Variants in CACNA2D1 observed in about 807,000 individuals in gnomAD.
The protein encoded by CACNA2D1 is voltage-dependent calcium channel subunit alpha-2/delta-1.
Under a neutral mutation model 171.5 loss-of-function variants are expected in CACNA2D1, and 53 were observed. The observed-to-expected ratio is 0.31, with a 90% CI of 0.25 to 0.39. The LOEUF is 0.39. Ranked by LOEUF, CACNA2D1 falls within the 10% of genes least tolerant of loss-of-function variation. The probability of loss-of-function intolerance (pLI) is 1.00; values close to 1 mark genes in which losing one functional copy is unlikely to be tolerated. For missense variants in CACNA2D1, 903 were observed against 1,299.8 expected (o/e 0.69, Z 4.69); for synonymous variants, 442 against 443.1 (o/e 1.00, Z 0.03).
chr7:82,375,569 ATTATCTACAC>A (rs1563452161), intron 1 of CACNA2D1, among the ~76,000 whole-genome samples: 1 of 151,960 alleles, frequency 6.6e-6, no homozygotes, highest in African/African-American at 2.4e-5. Context: ...TGGAGTACGT[ATTATCTACAC>A]CACTCATTGG....
At position 82,102,229 on chromosome 7, in the gene CACNA2D1, G is replaced by GA. The variant is rs1431469287; in HGVS notation, c.526+14814dup. ...CTGATTGAGAAAGGTTTTAAGACTT[G>GA]AAAAAAATAAGCTTTAAAATTTATT... On this transcript the variant is annotated intron_variant, in intron 6 of 38. Coordinates refer to ENST00000356860, the MANE Select transcript of CACNA2D1 (RefSeq NM_000722.4). Among the ~76,000 whole-genome samples, 7 of 151,800 alleles carry GA rather than the reference G, an allele frequency of 4.6e-5. No homozygotes were observed. The South Asian group carries it at 6.2e-4, about 14-fold the overall frequency.
chr7:82,031,275 T>G (rs1802666936), intron 12 of CACNA2D1, among the ~76,000 whole-genome samples: 1 of 151,918 alleles, frequency 6.6e-6, no homozygotes, highest in Non-Finnish European at 1.5e-5. Context: ...CAGGGACATC[T>G]TCCAGGTGGT....
intron 1 of CACNA2D1, among the ~76,000 whole-genome samples, chr7:82,404,233 A>G (rs1282164222): frequency 1.3e-5 from 2 of 152,060 alleles, no homozygotes; most frequent in African/African-American, 4.8e-5. Flanking sequence ...ATAAAGCCCT[A>G]TCACCTGCAG....
At chr7:82,047,799 T>C (rs1804723648) in intron 10 of CACNA2D1, among the ~76,000 whole-genome samples, 1 of 151,942 alleles carries the variant, frequency 6.6e-6, no homozygotes, top group African/African-American at 2.4e-5. Flanking sequence ...AAATATCAGG[T>C]GAAGAGAAAT....
At chr7:82,147,837 C>T (rs1388738134) in intron 4 of CACNA2D1, among the ~76,000 whole-genome samples, 2 of 152,116 alleles carry the variant, frequency 1.3e-5, no homozygotes, top group African/African-American at 4.8e-5. Context: ...GGTTGGTAAT[C>T]ACTACATCAA....
At chr7:82,376,430 G>A (rs1012075867) in intron 1 of CACNA2D1, among the ~76,000 whole-genome samples, 1 of 152,052 alleles carries the variant, frequency 6.6e-6, no homozygotes, top group African/African-American at 2.4e-5. Flanking sequence ...CTCTTTAAAG[G>A]GAAACAACCA....
chr7:81,980,761 A>G (rs750302971), intron 24 of CACNA2D1, among the ~76,000 whole-genome samples: 10 of 152,138 alleles, frequency 6.6e-5, no homozygotes, highest in Non-Finnish European at 1.5e-4. Flanking sequence ...TGACAGATAC[A>G]CTTGATACTC....
chr7:82,025,651 A>G (rs1261930579), intron 12 of CACNA2D1, among the ~76,000 whole-genome samples: 5 of 151,752 alleles, frequency 3.3e-5, no homozygotes, highest in Non-Finnish European at 1.5e-5. Flanking sequence ...TGTGGTCAGT[A>G]AGGAGACTGG....
At chr7:82,114,599 A>G (rs867701876) in intron 6 of CACNA2D1, among the ~76,000 whole-genome samples, 10 of 151,502 alleles carry the variant, frequency 6.6e-5, no homozygotes, top group African/African-American at 2.2e-4. Context: ...AAAAACAAAC[A>G]AAAAAAATTA....
chr7:82,213,324 C>T (rs1800759164), intron 3 of CACNA2D1, among the ~76,000 whole-genome samples: 1 of 152,166 alleles, frequency 6.6e-6, no homozygotes, highest in Non-Finnish European at 1.5e-5. Context: ...GAGAGACAAC[C>T]TCTTGAGGAG....
At chr7:82,210,161 T>TAA (rs143143042) in intron 3 of CACNA2D1, among the ~76,000 whole-genome samples, 12,858 of 152,170 alleles carry the variant, frequency 0.084, 718 homozygotes, top group Non-Finnish European at 0.11. Context: ...ATAAATGAAT[T>TAA]GAGGGTAATT....
intron 1 of CACNA2D1, among the ~76,000 whole-genome samples, chr7:82,427,318 G>A (rs1251563899): frequency 6.6e-6 from 1 of 152,184 alleles, no homozygotes; most frequent in Non-Finnish European, 1.5e-5. Context: ...CCACAAGCAT[G>A]GGAGTGCTCA....
intron 3 of CACNA2D1, among the ~76,000 whole-genome samples, chr7:82,247,512 A>C (rs1805075019): frequency 1.4e-5 from 2 of 147,428 alleles, no homozygotes; most frequent in Non-Finnish European, 3.0e-5. Context: ...TCAAAAAAGA[A>C]AAAAAAAAAG....
chr7:81,957,114 G>GTGTT (rs1793481770), intron 38 of CACNA2D1, among the ~76,000 whole-genome samples: 1 of 152,038 alleles, frequency 6.6e-6, no homozygotes, highest in African/African-American at 2.4e-5. Context: ...CATTAAATTT[G>GTGTT]TGTTAGCATC....
intron 1 of CACNA2D1, among the ~76,000 whole-genome samples, chr7:82,356,801 T>C (rs544459830): frequency 6.6e-6 from 1 of 152,274 alleles, no homozygotes; most frequent in Non-Finnish European, 1.5e-5. Flanking sequence ...TATCAAAATT[T>C]AGACTTGATA....
intron 1 of CACNA2D1, among the ~76,000 whole-genome samples, chr7:82,370,399 T>C (rs575937175): frequency 1.2e-4 from 18 of 151,968 alleles, no homozygotes; most frequent in Middle Eastern, 3.4e-3. Context: ...CTAGAAATTA[T>C]CAGGAAAAAA....
intron 10 of CACNA2D1, among the ~76,000 whole-genome samples, chr7:82,059,844 T>A (rs949335056): frequency 6.8e-6 from 1 of 146,926 alleles, no homozygotes; most frequent in South Asian, 2.2e-4. Flanking sequence ...ATGTCCTTTG[T>A]AGGGACATGG....
intron 1 of CACNA2D1, among the ~76,000 whole-genome samples, chr7:82,424,795 T>G (rs1829029993): frequency 6.6e-6 from 1 of 152,250 alleles, no homozygotes; most frequent in African/African-American, 2.4e-5. Context: ...AGAACTAATG[T>G]GACCCAACAC....
intron 1 of CACNA2D1, among the ~76,000 whole-genome samples, chr7:82,384,326 G>T (rs1009431004): frequency 1.3e-5 from 2 of 152,134 alleles, no homozygotes; most frequent in Admixed American, 1.3e-4. Context: ...CCCTCATAAT[G>T]CATTTAGCAG....
Sources: gnomAD v4.1 joint callset for allele counts (sites outside exome capture counted in the v4.1 genomes callset) on GRCh38, gnomAD v4.1.1 for gene constraint, MANE v1.5 for transcripts, NCBI Gene and HGNC (gene_info 2026-07-23, HGNC 2026-07-21) for gene names.